The following ADCK2 variants were observed in gnomAD, a reference collection of about 807,000 sequenced individuals.
The protein encoded by ADCK2 is aarF domain containing kinase 2.
In ADCK2, 37 loss-of-function variants were observed where a neutral mutation model predicts 52.3. The ratio of observed to expected loss-of-function variants is 0.71; its 90% CI spans 0.54 to 0.93. ADCK2 has a LOEUF of 0.93. Among genes scored for constraint, ADCK2 ranks in the 40% least tolerant of loss-of-function variants. The pLI is 0.00. For missense variants in ADCK2, 695 were observed against 798.7 expected, an observed-to-expected ratio of 0.87 and a Z score of 1.56; for synonymous variants, 321 against 349.2, an observed-to-expected ratio of 0.92 and a Z score of 0.90.
chr7:140,680,295 G>T (rs1794494740), intron 3 of ADCK2, among the ~76,000 whole-genome samples: 1 of 151,844 alleles, frequency 6.6e-6, no homozygotes. Flanking sequence ...ATAGGCACGA[G>T]CCACCATCCC....
chr7:140,681,475 G>A (rs912188522), intron 4 of ADCK2, among the ~76,000 whole-genome samples: 5 of 151,874 alleles, frequency 3.3e-5, no homozygotes, highest in Admixed American at 1.3e-4. Context: ...CCGCCACCAC[G>A]CCTGGCTAAT....
rs1794690708 is a variant in ADCK2 at position 140,690,781 on chromosome 7, T to G, written c.1708T>G (p.Ser570Ala). 1 of 1,613,766 alleles carries G rather than the reference T, an allele frequency of 6.2e-7. No homozygotes were observed. The highest frequency in any genetic ancestry group is 8.5e-7 in the Non-Finnish European group (1 of 1,179,954). The change falls in exon 7 of 8, where the codon TCT becomes GCT. Residue 570 changes from serine (S) to alanine (A), a missense_variant. Transcript: ENST00000072869. ...LEKLHVSSLL[S>A]SVFKLLMTHK... ...CCAGCTTCATGTGTCCAGCCTTCTC[T>G]CTAGTGTCTTTAAGTTGCTGATGAC...
At chr7:140,680,247 G>A (rs918041131) in intron 3 of ADCK2, among the ~76,000 whole-genome samples, 40 of 151,934 alleles carry the variant, frequency 2.6e-4, no homozygotes, top group South Asian at 2.1e-4. Context: ...CTGGGCTCAA[G>A]TGATCATTCC....
At chr7:140,681,177 G>C in intron 4 of ADCK2, 40 bp downstream of exon 4, 1 of 1,600,464 alleles carries the variant, frequency 6.2e-7, no homozygotes, top group Non-Finnish European at 8.6e-7. Flanking sequence ...CCAGCATGTG[G>C]TCAGCTTGCA....
In ADCK2 at chr7:140,687,233, A is replaced by G; in HGVS notation, c.1549A>G (p.Met517Val). The G allele has an allele frequency of 6.4e-7, 1 of 1,566,022 alleles. No individual in the cohort carries two copies. Among genetic ancestry groups the G allele is most frequent in the Non-Finnish European group, 8.7e-7 (1 of 1,153,456 alleles). Residue 517 changes from methionine to valine, a missense_variant, in exon 5 of 8, where the codon ATG (methionine) becomes GTG (valine). Met to Val is a conservative substitution (Grantham distance 21). Coordinates refer to ENST00000072869, the MANE Select transcript of ADCK2 (RefSeq NM_052853.4). ...CCGGGCAGTTTTCATGGCTGTGGTG[A>G]TGGGGCAGGTGAGACGCACTGGGAC... Reference protein sequence around the residue: ...NFRAVFMAVVMGQGQRVAELI... With the variant: ...NFRAVFMAVVVGQGQRVAELI...
In ADCK2 at chr7:140,672,952, C is replaced by A. The variant is rs1350598887; in HGVS notation, c.-379C>A. Among the ~76,000 whole-genome samples the A allele has an allele frequency of 6.6e-6, 1 of 151,310 alleles. No homozygotes were observed. The highest frequency in any genetic ancestry group is 1.5e-5 in the Non-Finnish European group (1 of 67,704). On this transcript the variant is annotated 5_prime_UTR_variant, in exon 1 of 8. Transcript: ENST00000072869. Reference sequence around the variant, plus strand: ...CGCCCTGGGCTGGTGCCCGCCACCCCAGCGATCTCATACTGGCCCCTGGGC... The same window carrying A: ...CGCCCTGGGCTGGTGCCCGCCACCCAAGCGATCTCATACTGGCCCCTGGGC...
chr7:140,674,502 T>C lies in ADCK2; in HGVS notation c.934-109T>C, dbSNP rs1794358474. 7.3e-7 allele frequency: 1 copy of C among 1,377,592 alleles called. No homozygotes were observed. The highest frequency in any genetic ancestry group is 1.5e-5 in the South Asian group (1 of 68,416). The allele number at this position is 1,377,592 out of a possible 1,614,324, so 85.3% of individuals were successfully genotyped here. ...TGGGTGTCGGGACCACATCCTCTTTTCTTTGATAAGAAGCCACCTGGCTCT... is the reference window on the plus strand; with the variant it reads ...TGGGTGTCGGGACCACATCCTCTTTCCTTTGATAAGAAGCCACCTGGCTCT... On this transcript the variant is annotated intron_variant, in intron 1 of 7. Transcript: ENST00000072869. This position sits in a 1 kb window ranked among gnomAD's most constrained non-coding sequence, Gnocchi z 4.6.
At chr7:140,675,040 C>T (rs1319437589) in intron 2 of ADCK2, among the ~76,000 whole-genome samples, 1 of 151,986 alleles carries the variant, frequency 6.6e-6, no homozygotes, top group South Asian at 2.1e-4. Flanking sequence ...GCCAGGAGTT[C>T]GAGATCAGCC....
chr7:140,693,759 G>T lies in ADCK2; in HGVS notation c.1741-904G>T, dbSNP rs1459848162. ...GAGTTTCACTCTGTTGCCCAGGCTG[G>T]AGTGCAGTGGAGCCATCCTGGCTCA... On this transcript the variant is annotated intron_variant, in intron 7 of 7. Transcript: ENST00000072869. The surrounding 1 kb of genome is among the most constrained non-coding windows in gnomAD (Gnocchi z 4.0). Among the ~76,000 whole-genome samples the T allele has an allele frequency of 2.6e-5, 4 of 152,120 alleles. No individual in the cohort carries two copies. Among genetic ancestry groups the T allele is most frequent in the South Asian group, 4.1e-4 (2 of 4,832 alleles).
intron 4 of ADCK2, among the ~76,000 whole-genome samples, chr7:140,682,614 T>C (rs921554128): frequency 6.6e-6 from 1 of 152,088 alleles, no homozygotes; most frequent in Non-Finnish European, 1.5e-5. Flanking sequence ...TGAATTCCAA[T>C]AATATTTAAA....
chr7:140,673,318 G>A lies in ADCK2; in HGVS notation c.-13G>A. 2 of 1,428,212 alleles carry A rather than the reference G, an allele frequency of 1.4e-6. No homozygotes were observed. Among genetic ancestry groups the A allele is most frequent in the East Asian group, 2.7e-5 (1 of 36,856 alleles). 88.5% of individuals were successfully genotyped at this position (1,428,212 alleles called of 1,614,324 possible). A position where few individuals can be genotyped will look rare whatever the true frequency, so the allele number is the denominator to read the frequency against. On this transcript the variant is annotated 5_prime_UTR_variant, in exon 1 of 8. Coordinates refer to ENST00000072869, the MANE Select transcript of ADCK2 (RefSeq NM_052853.4). The surrounding 1 kb of genome is among the most constrained non-coding windows in gnomAD (Gnocchi z 6.4). Reference sequence around the variant, plus strand: ...GTGGAGGGCGGGCCGCCTGGGCCGCGGGCCTCGGGAGGATGGTGGCGCCCT... The same window carrying A: ...GTGGAGGGCGGGCCGCCTGGGCCGCAGGCCTCGGGAGGATGGTGGCGCCCT...
At chr7:140,687,514 A>C (rs1361448110) in intron 5 of ADCK2, among the ~76,000 whole-genome samples, 2 of 152,104 alleles carry the variant, frequency 1.3e-5, no homozygotes, top group African/African-American at 4.8e-5. Flanking sequence ...CAGGGGTTCG[A>C]GACCAGCCTG....
At chr7:140,692,210 C>G (rs1464844728) in intron 7 of ADCK2, among the ~76,000 whole-genome samples, 2 of 152,194 alleles carry the variant, frequency 1.3e-5, no homozygotes, top group African/African-American at 4.8e-5. Context: ...TCCATCCGGC[C>G]CTGGGAACCA....
In ADCK2 at chr7:140,674,516, C is replaced by T. The variant is rs1298158693; in HGVS notation, c.934-95C>T. 5 of 1,443,972 alleles carry T rather than the reference C, an allele frequency of 3.5e-6. No individual in the cohort carries two copies. The highest frequency in any genetic ancestry group is 3.7e-6 in the Non-Finnish European group (4 of 1,075,500). The allele number at this position is 1,443,972 out of a possible 1,614,324, so 89.4% of individuals were successfully genotyped here. ...ACATCCTCTTTTCTTTGATAAGAAG[C>T]CACCTGGCTCTTGCTTGGATGGTGG... On this transcript the variant is annotated intron_variant, in intron 1 of 7. Transcript: ENST00000072869. The surrounding 1 kb of genome is among the most constrained non-coding windows in gnomAD (Gnocchi z 4.6).
rs759228491 is a variant in ADCK2, at chr7:140,694,640, ACTGTT to A, written c.1741-17_1741-13del. The A allele has an allele frequency of 2.6e-5, 42 of 1,610,030 alleles. No homozygotes were observed. Among genetic ancestry groups the A allele is most frequent in the Non-Finnish European group, 3.2e-5 (38 of 1,177,214 alleles). On this transcript the variant is annotated intron_variant, in intron 7 of 7. Coordinates refer to ENST00000072869, the MANE Select transcript of ADCK2 (RefSeq NM_052853.4). ...CCTGTATCAGCATGTTCTGAGATGAACTGTTCTGTTTTTCTGTTCCAGGTAAAGCT... is the reference window on the plus strand; with the variant it reads ...CCTGTATCAGCATGTTCTGAGATGAACTGTTTTTCTGTTCCAGGTAAAGCT...
chr7:140,678,680 G>A lies in ADCK2; in HGVS notation c.1081-475G>A, dbSNP rs1230449901. 6.6e-6 allele frequency among the ~76,000 whole-genome samples: 1 copy of A among 152,220 alleles called. No homozygotes were observed. The highest frequency in any genetic ancestry group is 6.5e-5 in the Admixed American group (1 of 15,282). ...ACCTGGAAGTGGTCCTTTGGGTCTG[G>A]TGAGTGGTGGTTGGGGAGAGTAGCA... is the stretch of plus-strand genomic sequence containing the variant. On this transcript the variant is annotated intron_variant, in intron 2 of 7. Transcript: ENST00000072869. This position sits in a 1 kb window ranked among gnomAD's most constrained non-coding sequence, Gnocchi z 4.9.
chr7:140,691,496 C>G (rs1488662461), intron 7 of ADCK2, among the ~76,000 whole-genome samples: 1 of 150,616 alleles, frequency 6.6e-6, no homozygotes, highest in Non-Finnish European at 1.5e-5. Context: ...TCTAGAGGGT[C>G]ATGCCTTGTG....
intron 7 of ADCK2, 133 bp downstream of exon 7, chr7:140,690,946 G>A: frequency 2.3e-6 from 2 of 868,360 alleles, no homozygotes; most frequent in Non-Finnish European, 3.5e-6. Flanking sequence ...TTTTTTTTGA[G>A]ACAGAGTCTC....
In ADCK2 at chr7:140,673,927, T is replaced by A. The variant is rs1319463535; in HGVS notation, c.597T>A (p.Ser199=). ...AFGDDWGSIL[S]FENREPVGSG... ...GGGATGACTGGGGGAGCATCCTCTCTTTTGAGAACCGGGAACCTGTGGGCT... is the reference window on the plus strand; with the variant it reads ...GGGATGACTGGGGGAGCATCCTCTCATTTGAGAACCGGGAACCTGTGGGCT... The change falls in exon 1 of 8, where the codon TCT becomes TCA. Residue 199 remains serine (S), a synonymous_variant. Coordinates refer to ENST00000072869, the MANE Select transcript of ADCK2 (RefSeq NM_052853.4). This position sits in a 1 kb window ranked among gnomAD's most constrained non-coding sequence, Gnocchi z 6.4. The A allele has an allele frequency of 6.2e-7, 1 of 1,613,854 alleles. No individual in the cohort carries two copies. Among genetic ancestry groups the A allele is most frequent in the African/African-American group, 1.3e-5 (1 of 74,930 alleles).
Sources: gnomAD v4.1 joint callset for allele counts (sites outside exome capture counted in the v4.1 genomes callset) on GRCh38, gnomAD v4.1.1 for gene constraint, Gnocchi (gnomAD v3.1) non-coding constraint, MANE v1.5 for transcripts, NCBI Gene and HGNC (gene_info 2026-07-23, HGNC 2026-07-21) for gene names.